FN3K: variants seen among roughly 807,000 people sequenced by gnomAD.
The protein encoded by FN3K is fructosamine 3 kinase, also known as fructosamine-3-kinase.
FN3K carries 24 observed loss-of-function variants against 24.8 expected under a neutral mutation model. The ratio of observed to expected loss-of-function variants is 0.97; its 90% CI spans 0.70 to 1.36. FN3K has a LOEUF of 1.36. FN3K is among the 40% of genes most tolerant of loss of function. The pLI, the probability that FN3K is intolerant of heterozygous loss-of-function variation, is 0.00. For synonymous variants in FN3K, 192 were observed against 175.2 expected, an observed-to-expected ratio of 1.10 and a Z score of -0.76; for missense variants, 449 against 416.7, an observed-to-expected ratio of 1.08 and a Z score of -0.67.
At position 82,738,506 on chromosome 17, in the gene FN3K, G is replaced by T. The variant is rs148782883; in HGVS notation, c.159G>T (p.Glu53Asp). 6.8e-6 allele frequency: 11 copies of T among 1,612,446 alleles called. No homozygotes were observed. In the Admixed American group the frequency reaches 1.0e-4, roughly 15 times the overall value. The change falls in exon 2 of 6, where the codon GAG becomes GAT. Residue 53 changes from glutamate to aspartate, a missense_variant. Glu to Asp is a conservative substitution (Grantham distance 45, BLOSUM62 2). Transcript: ENST00000300784. ...NRRTQARQMF[E>D]GEVASLEALR... ...GGATGCAGGCCCGGCAGATGTTTGA[G>T]GGGGAGGTGGCCAGCCTGGAGGCCC...
Position 82,750,851 on chromosome 17 carries a change from C to T in FN3K, c.*96C>T. On this transcript the variant is annotated 3_prime_UTR_variant, in exon 6 of 6. Transcript: ENST00000300784. ...GTCCCTGTGCCCCCGTCCCTGTCCC[C>T]CTGTTCCCGTCTCCCCGTCCCTCCG... is the stretch of plus-strand genomic sequence containing the variant. 4 of 949,682 alleles carry T rather than the reference C, an allele frequency of 4.2e-6. No individual in the cohort carries two copies. The highest frequency in any genetic ancestry group is 2.1e-5 in the African/African-American group (1 of 48,128). The allele number at this position is 949,682 out of a possible 1,614,324, so 58.8% of individuals were successfully genotyped here.
intron 5 of FN3K, 76 bp downstream of exon 5, chr17:82,749,053 T>C (rs756488118): frequency 1.5e-4 from 234 of 1,597,154 alleles, no homozygotes; most frequent in Non-Finnish European, 2.0e-4. Context: ...GGTTCATCTG[T>C]AAAACGGAGC....
At chr17:82,741,135 G>A (rs1439597295) in intron 3 of FN3K, 176 bp from the exon 4 acceptor site, 1 of 706,718 alleles carries the variant, frequency 1.4e-6, no homozygotes, top group South Asian at 1.5e-5. Flanking sequence ...TAGTGTGCTT[G>A]AGGTAGGAGT....
chr17:82,736,669 C>T (rs1408857476), intron 1 of FN3K, among the ~76,000 whole-genome samples: 2 of 152,198 alleles, frequency 1.3e-5, no homozygotes, highest in African/African-American at 2.4e-5. Flanking sequence ...GCCCTGCACA[C>T]TCTGGTGGGG....
Position 82,735,739 on chromosome 17 carries a change from G to A in FN3K, c.103G>A (p.Ala35Thr), listed in dbSNP as rs376701557. The part of the protein sequence containing the change: ...ISEGRAYDTD[A>T]GPVFVKVNRR... ...CGAGGGCCGAGCCTACGACACGGAC[G>A]CAGGCCCAGTGTTCGTCAAAGTCAA... Residue 35 changes from alanine (A) to threonine (T), a missense_variant, in exon 1 of 6, where the codon GCA becomes ACA. Ala to Thr is a moderately conservative substitution (Grantham distance 58). Transcript: ENST00000300784. 14 of 1,561,032 alleles carry A rather than the reference G, an allele frequency of 9.0e-6. No individual in the cohort carries two copies. In the African/African-American group the frequency reaches 9.5e-5, roughly 11 times the overall value.
chr17:82,749,169 A>G, intron 5 of FN3K, 192 bp downstream of exon 5: 1 of 831,060 alleles, frequency 1.2e-6, no homozygotes, highest in Non-Finnish European at 2.0e-6. Context: ...GTGAAGACAC[A>G]CTTGGCTCCT....
chr17:82,746,539 GC>G (rs2046969439), intron 4 of FN3K, among the ~76,000 whole-genome samples: 1 of 152,036 alleles, frequency 6.6e-6, no homozygotes, highest in Admixed American at 6.6e-5. Flanking sequence ...GGTGGCTCGC[GC>G]CTGTAATCCC....
Position 82,750,432 on chromosome 17 carries a change from C to T in FN3K, c.607C>T (p.Leu203=). The part of the protein sequence containing the change: ...WSRLQVKIPD[L]FCGLEIVPAL... ...GCTCTCGTAGGTGAAGATCCCGGATCTGTTTTGTGGCCTAGAGATTGTCCC... is the reference window on the plus strand; with the variant it reads ...GCTCTCGTAGGTGAAGATCCCGGATTTGTTTTGTGGCCTAGAGATTGTCCC... Residue 203 remains leucine, a synonymous_variant, in exon 6 of 6, where the codon CTG becomes TTG. Transcript: ENST00000300784. 3 of 1,614,150 alleles carry T rather than the reference C, an allele frequency of 1.9e-6. No homozygotes were observed. Among genetic ancestry groups the T allele is most frequent in the Admixed American group, 3.3e-5 (2 of 60,018 alleles).
At chr17:82,746,403 T>C (rs1267468783) in intron 4 of FN3K, among the ~76,000 whole-genome samples, 3 of 152,146 alleles carry the variant, frequency 2.0e-5, no homozygotes, top group East Asian at 3.8e-4. Context: ...TTTTTTATTA[T>C]TGAGTTTTGA....
At chr17:82,744,467 G>C (rs1359453011) in intron 4 of FN3K, among the ~76,000 whole-genome samples, 2 of 152,140 alleles carry the variant, frequency 1.3e-5, no homozygotes, top group Non-Finnish European at 2.9e-5. Flanking sequence ...CTGTAGATTA[G>C]TTTGCATCTT....
intron 5 of FN3K, among the ~76,000 whole-genome samples, chr17:82,750,196 C>T (rs1336089854): frequency 2.0e-5 from 3 of 152,206 alleles, no homozygotes; most frequent in Non-Finnish European, 4.4e-5. Context: ...CAGAGGTTCT[C>T]CACTGTGTGG....
intron 2 of FN3K, among the ~76,000 whole-genome samples, chr17:82,739,539 ACT>A (rs1379629024): frequency 1.4e-5 from 2 of 147,410 alleles, no homozygotes; most frequent in Non-Finnish European, 3.0e-5. Flanking sequence ...CTCATTGCAA[ACT>A]CTGCCTCCTG....
At chr17:82,750,066 AAAC>A (rs1282699531) in intron 5 of FN3K, among the ~76,000 whole-genome samples, 3 of 152,188 alleles carry the variant, frequency 2.0e-5, no homozygotes, top group South Asian at 2.1e-4. Flanking sequence ...TCAAAGAAAA[AAAC>A]AACAAAACCA....
intron 1 of FN3K, among the ~76,000 whole-genome samples, chr17:82,736,667 C>T (rs1030687020): frequency 6.6e-6 from 1 of 152,180 alleles, no homozygotes; most frequent in East Asian, 1.9e-4. Flanking sequence ...AGGCCCTGCA[C>T]ACTCTGGTGG....
At chr17:82,744,430 CT>C (rs2046957035) in intron 4 of FN3K, among the ~76,000 whole-genome samples, 1 of 152,170 alleles carries the variant, frequency 6.6e-6, no homozygotes, top group Admixed American at 6.5e-5. Context: ...TTCCCTGCCC[CT>C]GGGCAACCAT....
rs539508005 is a variant in FN3K, at chr17:82,746,058, C to T, written c.469-2797C>T. ...GCAGTGAGCCGAGATCTCGCCACTG[C>T]ACTCCAGCCTGGGCGACAGAGCAAG... On this transcript the variant is annotated intron_variant, in intron 4 of 5. Transcript: ENST00000300784. Among the ~76,000 whole-genome samples, 212 of 144,026 alleles carry T rather than the reference C, an allele frequency of 1.5e-3. 9 individuals carry two copies. In the South Asian group the frequency reaches 0.045, roughly 31 times the overall value. The allele number at this position is 144,026 out of a possible 152,430, so 94.5% of individuals were successfully genotyped here.
chr17:82,739,226 G>A (rs1273681058), intron 2 of FN3K, among the ~76,000 whole-genome samples: 1 of 151,774 alleles, frequency 6.6e-6, no homozygotes, highest in Non-Finnish European at 1.5e-5. Flanking sequence ...GGGATAACAG[G>A]CCTGAGCCAC....
intron 3 of FN3K, 119 bp from the exon 4 acceptor site, chr17:82,741,192 A>C: frequency 3.4e-6 from 3 of 877,722 alleles, no homozygotes; most frequent in East Asian, 5.3e-5. Context: ...TATGTAGTAC[A>C]TCCTCAGACC....
intron 2 of FN3K, among the ~76,000 whole-genome samples, chr17:82,739,752 C>A (rs907450906): frequency 6.6e-6 from 1 of 152,132 alleles, no homozygotes; most frequent in Non-Finnish European, 1.5e-5. Flanking sequence ...CCACCGCGCC[C>A]GGCCTAATTT....
Sources: gnomAD v4.1 joint callset for allele counts (sites outside exome capture counted in the v4.1 genomes callset) on GRCh38, gnomAD v4.1.1 for gene constraint, MANE v1.5 for transcripts, NCBI Gene and HGNC (gene_info 2026-07-23, HGNC 2026-07-21) for gene names.